The following SLC2A9 variants were observed in gnomAD, a reference collection of about 807,000 sequenced individuals.
SLC2A9 encodes solute carrier family 2 member 9.
In SLC2A9, 39 loss-of-function variants were observed where a neutral mutation model predicts 50.6. That is an observed-to-expected ratio of 0.77 (90% CI 0.60 to 1.01). SLC2A9 has a LOEUF of 1.01. Ranked by LOEUF, SLC2A9 falls within the 50% of genes least tolerant of loss-of-function variation. SLC2A9 has a pLI of 0.00. For synonymous variants in SLC2A9, 324 were observed against 276.9 expected (o/e 1.17, Z -1.69); for missense variants, 686 against 677.6 (o/e 1.01, Z -0.14).
At chr4:9,802,581 G>A (rs1261556866) in intron 3 of SLC2A9, among the ~76,000 whole-genome samples, 1 of 126,644 alleles carries the variant, frequency 7.9e-6, no homozygotes, top group Non-Finnish European at 1.6e-5. Flanking sequence ...TTTTTTTTGA[G>A]ATGGAGTTTC....
intron 10 of SLC2A9, among the ~76,000 whole-genome samples, chr4:9,884,115 A>G (rs1735733939): frequency 6.6e-6 from 1 of 152,346 alleles, no homozygotes; most frequent in African/African-American, 2.4e-5. Flanking sequence ...TGAGTGAGAC[A>G]TGGATTTCTA....
chr4:9,830,210 G>A (rs184383300), intron 11 of SLC2A9, among the ~76,000 whole-genome samples: 222 of 152,334 alleles, frequency 1.5e-3, no homozygotes, highest in African/African-American at 4.9e-3. Flanking sequence ...CAAGTCCTTT[G>A]CAGTGACATG....
chr4:9,781,347 C>A (rs554776948), intron 3 of SLC2A9, among the ~76,000 whole-genome samples: 4 of 152,364 alleles, frequency 2.6e-5, no homozygotes, highest in Non-Finnish European at 5.9e-5. Context: ...CGGAAGCCCT[C>A]GCGTCCTCAT....
intron 3 of SLC2A9, chr4:9,783,005 C>A (rs1244039040): frequency 3.1e-6 from 5 of 1,614,086 alleles, no homozygotes; most frequent in Non-Finnish European, 4.2e-6. Flanking sequence ...CAGTGGACAC[C>A]CCGAAGGCCC....
At chr4:9,771,674 G>A (rs1280078654) in intron 1 of SLC2A9, among the ~76,000 whole-genome samples, 1 of 152,264 alleles carries the variant, frequency 6.6e-6, no homozygotes, top group Non-Finnish European at 1.5e-5. Context: ...TCAGCACCGA[G>A]CGAACAGATC....
Position 9,843,210 on chromosome 4 carries a change from G to A in SLC2A9, c.1292-8202C>T, listed in dbSNP as rs1577485303. The stretch of plus-strand genomic sequence containing the variant: ...GTAGGTCTGTCTGAGAATCACAAAG[G>A]GGTGTGGACAAAGGGATTTGGGGAA... On this transcript the variant is annotated intron_variant, in intron 10 of 11. Coordinates refer to ENST00000264784, the MANE Select transcript of SLC2A9 (RefSeq NM_020041.3). 2.6e-5 allele frequency among the ~76,000 whole-genome samples: 4 copies of A among 152,276 alleles called. 1 individual carries two copies. In the South Asian group the frequency reaches 8.3e-4, roughly 32 times the overall value.
At chr4:9,785,942 C>T (rs566942786) in intron 3 of SLC2A9, among the ~76,000 whole-genome samples, 1 of 152,190 alleles carries the variant, frequency 6.6e-6, no homozygotes, top group African/African-American at 2.4e-5. Context: ...GGAGGACTTT[C>T]CAAAGAGCTG....
intron 5 of SLC2A9, among the ~76,000 whole-genome samples, chr4:9,970,357 A>T (rs530314014): frequency 3.6e-4 from 55 of 152,332 alleles, no homozygotes; most frequent in South Asian, 1.7e-3. Context: ...AGAAGGTCTC[A>T]ACTGTGATTC....
At position 9,826,558 on chromosome 4, in the gene SLC2A9, A is replaced by T. The variant is rs764118527; in HGVS notation, c.1462T>A (p.Cys488Ser). 3 of 1,614,100 alleles carry T rather than the reference A, an allele frequency of 1.9e-6. No individual in the cohort carries two copies. Among genetic ancestry groups the T allele is most frequent in the Non-Finnish European group, 2.5e-6 (3 of 1,179,966 alleles). ...TACAGGTAGATAGCACCTGTGATAC[A>T]AATTGTAGCAAAGACTAGGAAACAG... ...TYCFLVFATI[C>S]ITGAIYLYFV... Residue 488 changes from cysteine to serine, a missense_variant, in exon 12 of 12, where the codon TGT becomes AGT. Coordinates refer to ENST00000264784, the MANE Select transcript of SLC2A9 (RefSeq NM_020041.3).
intron 3 of SLC2A9, among the ~76,000 whole-genome samples, chr4:9,819,713 C>A (rs573233891): frequency 1.1e-4 from 17 of 152,326 alleles, no homozygotes; most frequent in African/African-American, 3.8e-4. Flanking sequence ...GCGTGCAGAC[C>A]ACCTGCAGTC....
Position 9,834,835 on chromosome 4 carries a change from G to C in SLC2A9, c.1419+46C>G, listed in dbSNP as rs768777675. 6 of 1,613,578 alleles carry C rather than the reference G, an allele frequency of 3.7e-6. No individual in the cohort carries two copies. The African/African-American group carries it at 6.7e-5, about 18-fold the overall frequency. ...TATGAATCACCCCTCAAGTGCTGCA[G>C]AATCAAAGGGAACCCCATGGGCAAA... is the stretch of plus-strand genomic sequence containing the variant. On this transcript the variant is annotated intron_variant, in intron 11 of 11. Coordinates refer to ENST00000264784, the MANE Select transcript of SLC2A9 (RefSeq NM_020041.3).
chr4:10,021,588 T>G, upstream of SLC2A9: 1 of 1,063,956 alleles, frequency 9.4e-7, no homozygotes, highest in Non-Finnish European at 1.4e-6. Flanking sequence ...GGGGCAACAT[T>G]TTTTTCTCTG....
chr4:9,834,967 A>G lies in SLC2A9; in HGVS notation c.1333T>C (p.Ser445Pro). 6.2e-7 allele frequency: 1 copy of G among 1,613,946 alleles called. No homozygotes were observed. Among genetic ancestry groups the G allele is most frequent in the Non-Finnish European group, 8.5e-7 (1 of 1,179,994 alleles). ...ATGATGAAGGCAGCCGGCCGCTGAGATTGCTGGAAGAACTCACCAGTCAAG... is the reference window on the plus strand; with the variant it reads ...ATGATGAAGGCAGCCGGCCGCTGAGGTTGCTGGAAGAACTCACCAGTCAAG... ...FILTGEFFQQSQRPAAFIIAG... is the reference protein window; with the variant it reads ...FILTGEFFQQPQRPAAFIIAG... Residue 445 changes from serine to proline, a missense_variant, in exon 11 of 12, where the codon TCT becomes CCT. Coordinates refer to ENST00000264784, the MANE Select transcript of SLC2A9 (RefSeq NM_020041.3).
chr4:9,785,514 G>GT (rs1267845598), intron 3 of SLC2A9, among the ~76,000 whole-genome samples: 1 of 152,196 alleles, frequency 6.6e-6, no homozygotes, highest in Non-Finnish European at 1.5e-5. Flanking sequence ...TGATCTGGAA[G>GT]TTTTTACAAT....
In SLC2A9 at chr4:9,985,374, C is replaced by T. The variant is rs181430583; in HGVS notation, c.535+295G>A. The stretch of plus-strand genomic sequence containing the variant: ...ACCACAAATAACCTTGGAATATTAA[C>T]ATTATGATGAAGGTGACCAAACAGA... On this transcript the variant is annotated intron_variant, in intron 4 of 11. Transcript: ENST00000264784. Among the ~76,000 whole-genome samples the T allele has an allele frequency of 5.3e-5, 8 of 152,288 alleles. No homozygotes were observed. In the East Asian group the frequency reaches 1.5e-3, roughly 29 times the overall value.
intron 10 of SLC2A9, among the ~76,000 whole-genome samples, chr4:9,858,353 G>C (rs746490016): frequency 1.3e-5 from 2 of 152,172 alleles, no homozygotes; most frequent in Non-Finnish European, 2.9e-5. Flanking sequence ...TGACTGTCTA[G>C]GGTTCTCTTT....
chr4:10,021,807 G>A (rs1308736977), upstream of SLC2A9, among the ~76,000 whole-genome samples: 2 of 151,116 alleles, frequency 1.3e-5, no homozygotes, highest in African/African-American at 2.4e-5. Flanking sequence ...CTTTGACTCA[G>A]AAGCCTGCAT....
At chr4:9,882,589 G>C (rs756643051) in intron 10 of SLC2A9, among the ~76,000 whole-genome samples, 29 of 151,942 alleles carry the variant, frequency 1.9e-4, no homozygotes, top group Non-Finnish European at 1.2e-4. Flanking sequence ...GACGCCTGCA[G>C]TCCCAGCTTC....
intron 5 of SLC2A9, among the ~76,000 whole-genome samples, chr4:9,950,330 C>T (rs1749990856): frequency 6.6e-6 from 1 of 152,300 alleles, no homozygotes; most frequent in East Asian, 1.9e-4. Flanking sequence ...ACACTCACCA[C>T]ACAAAAAGTG....
Sources: gnomAD v4.1 joint callset for allele counts (sites outside exome capture counted in the v4.1 genomes callset) on GRCh38, gnomAD v4.1.1 for gene constraint, MANE v1.5 for transcripts, NCBI Gene and HGNC (gene_info 2026-07-23, HGNC 2026-07-21) for gene names.